The following PRRG4 variants were observed in gnomAD, a reference collection of about 807,000 sequenced individuals.
The protein encoded by PRRG4 is proline rich and Gla domain 4.
In PRRG4, 12 loss-of-function variants were observed where a neutral mutation model predicts 20.0. The observed-to-expected ratio is 0.60, with a 90% CI of 0.38 to 0.97. PRRG4 has a LOEUF of 0.97. Among genes scored for constraint, PRRG4 ranks in the 50% least tolerant of loss-of-function variants. The probability of loss-of-function intolerance (pLI) is 0.00; values close to 1 mark genes in which losing one functional copy is unlikely to be tolerated. For synonymous variants in PRRG4, 94 were observed against 96.4 expected (o/e 0.98, Z 0.15); for missense variants, 199 against 265.1 (o/e 0.75, Z 1.73).
rs1590682637 is a variant in PRRG4, at chr11:32,855,389, G to A, written c.*1862G>A. On this transcript the variant is annotated 3_prime_UTR_variant, in exon 6 of 6. Transcript: ENST00000257836. ...ATTTCTGTGCTTTATGTTTTTGCCA[G>A]GCTATTACATTTTCTTATCATTTAG... The A allele has an allele frequency of 3.4e-5, 1 of 29,632 alleles. No individual in the cohort carries two copies. Among genetic ancestry groups the A allele is most frequent in the Admixed American group, 3.3e-4 (1 of 3,004 alleles). 1.8% of individuals were successfully genotyped at this position (29,632 alleles called of 1,614,324 possible).
rs546768090 is a variant in PRRG4, at chr11:32,846,056, G to A, written c.449+5817G>A. Among the ~76,000 whole-genome samples, 10 of 152,152 alleles carry A rather than the reference G, an allele frequency of 6.6e-5. No homozygotes were observed. In the East Asian group the frequency reaches 1.9e-3, roughly 29 times the overall value. Reference sequence around the variant, plus strand: ...GCCTTTATACCCAACTACTAGGCGGGCTTAGGTGGGAGGAGCACCTGAGCC... The same window carrying A: ...GCCTTTATACCCAACTACTAGGCGGACTTAGGTGGGAGGAGCACCTGAGCC... On this transcript the variant is annotated intron_variant, in intron 5 of 5. Transcript: ENST00000257836.
Position 32,840,168 on chromosome 11 carries a change from AT to A in PRRG4, c.383del (p.Leu128TrpfsTer68), listed in dbSNP as rs1255604874. The part of the protein sequence containing the change: ...LLTGLIAAGV[F>X]LVIFGLLGYY... ...TGACTGGATTAATTGCTGCTGGAGT[AT>A]TTTTGGTTATTTTTGGATTACTTGG... On this transcript the variant is annotated frameshift_variant, in exon 5 of 6. Coordinates refer to ENST00000257836, the MANE Select transcript of PRRG4 (RefSeq NM_024081.6). LOFTEE classifies it high-confidence loss of function. This position sits in a 1 kb window ranked among gnomAD's most constrained non-coding sequence, Gnocchi z 4.1. 1 of 1,603,434 alleles carries A rather than the reference AT, an allele frequency of 6.2e-7. No homozygotes were observed. Among genetic ancestry groups the A allele is most frequent in the Non-Finnish European group, 8.5e-7 (1 of 1,170,760 alleles).
chr11:32,843,734 T>G (rs997218408), intron 5 of PRRG4, among the ~76,000 whole-genome samples: 25 of 151,670 alleles, frequency 1.6e-4, no homozygotes, highest in East Asian at 3.9e-4. Context: ...TTTTCTGTTT[T>G]TTTTTTTTTT....
chr11:32,838,277 T>G (rs1851042681), intron 3 of PRRG4, among the ~76,000 whole-genome samples: 1 of 151,902 alleles, frequency 6.6e-6, no homozygotes, highest in Non-Finnish European at 1.5e-5. Context: ...GGCTTCACGA[T>G]GAAACTCCAT....
chr11:32,830,453 C>G (rs1416873364), intron 1 of PRRG4, 55 bp from the exon 2 acceptor site: 3 of 1,269,126 alleles, frequency 2.4e-6, no homozygotes, highest in Middle Eastern at 5.8e-4. Context: ...GACAGAAACT[C>G]AAAGTGCTGA....
intron 5 of PRRG4, among the ~76,000 whole-genome samples, chr11:32,841,213 C>T (rs1851074520): frequency 6.6e-6 from 1 of 152,078 alleles, no homozygotes; most frequent in African/African-American, 2.4e-5. Context: ...TTTTACTTAT[C>T]TTTTCAGCAA....
At chr11:32,832,359 GCAGTAACTCTGCCTCAAGAGAGTTGT>G (rs1431094844) in intron 2 of PRRG4, among the ~76,000 whole-genome samples, 3 of 152,078 alleles carry the variant, frequency 2.0e-5, no homozygotes, top group Admixed American at 6.5e-5. Flanking sequence ...AGAGTGAGTA[GCAGTAACTCTGCCTCAAGAGAGTTGT>G]ATGGCAGAGA....
Position 32,856,010 on chromosome 11 carries a change from C to T in PRRG4, c.*2483C>T, listed in dbSNP as rs1019528173. 1 of 152,106 alleles carries T rather than the reference C, an allele frequency of 6.6e-6. No individual in the cohort carries two copies. Among genetic ancestry groups the T allele is most frequent in the Non-Finnish European group, 1.5e-5 (1 of 68,018 alleles). The allele number at this position is 152,106 out of a possible 1,614,324, so 9.4% of individuals were successfully genotyped here. On this transcript the variant is annotated 3_prime_UTR_variant, in exon 6 of 6. Coordinates refer to ENST00000257836, the MANE Select transcript of PRRG4 (RefSeq NM_024081.6). Reference sequence around the variant, plus strand: ...AATTATGAAATTCAGGGATCTTGTACATAATTCTAAGTTTGGGACAGAAAT... The same window carrying T: ...AATTATGAAATTCAGGGATCTTGTATATAATTCTAAGTTTGGGACAGAAAT...
chr11:32,847,627 C>G (rs1474959917), intron 5 of PRRG4, among the ~76,000 whole-genome samples: 1 of 152,078 alleles, frequency 6.6e-6, no homozygotes, highest in African/African-American at 2.4e-5. Context: ...ACTGTATGAC[C>G]CAGCAGTTTC....
Position 32,853,404 on chromosome 11 carries a change from A to T in PRRG4, c.558A>T (p.Leu186Phe). 1 of 1,614,060 alleles carries T rather than the reference A, an allele frequency of 6.2e-7. No individual in the cohort carries two copies. Among genetic ancestry groups the T allele is most frequent in the Non-Finnish European group, 8.5e-7 (1 of 1,180,010 alleles). ...CGCCTTCTGTGGAGGATGCAGGATTACCTTCTTATGAACAGGCAGTGGCGC... is the reference window on the plus strand; with the variant it reads ...CGCCTTCTGTGGAGGATGCAGGATTTCCTTCTTATGAACAGGCAGTGGCGC... Reference protein sequence around the residue: ...PLPPSVEDAGLPSYEQAVALT... With the variant: ...PLPPSVEDAGFPSYEQAVALT... Residue 186 changes from leucine (L) to phenylalanine (F), a missense_variant, in exon 6 of 6, where the codon TTA becomes TTT. Transcript: ENST00000257836.
At chr11:32,841,137 C>A (rs562628781) in intron 5 of PRRG4, among the ~76,000 whole-genome samples, 2 of 151,078 alleles carry the variant, frequency 1.3e-5, no homozygotes, top group South Asian at 2.1e-4. Flanking sequence ...TCACTATTCA[C>A]ACTTTCAAAT....
intron 5 of PRRG4, among the ~76,000 whole-genome samples, chr11:32,848,999 C>T (rs1590677944): frequency 6.8e-6 from 1 of 147,874 alleles, no homozygotes; most frequent in Non-Finnish European, 1.5e-5. Flanking sequence ...TTTAAGGCAA[C>T]AGGTGTGAAA....
intron 2 of PRRG4, among the ~76,000 whole-genome samples, chr11:32,836,315 T>C (rs1851019328): frequency 6.6e-6 from 1 of 152,088 alleles, no homozygotes; most frequent in African/African-American, 2.4e-5. Context: ...TTTTTCTCAG[T>C]CAAGATAATA....
chr11:32,830,670 A>G (rs375829212), intron 2 of PRRG4, 38 bp downstream of exon 2: 3 of 1,613,214 alleles, frequency 1.9e-6, no homozygotes, highest in Non-Finnish European at 2.5e-6. Flanking sequence ...AGAGCCGCAT[A>G]GCACAGATCT....
chr11:32,854,831 T>C lies in PRRG4; in HGVS notation c.*1304T>C, dbSNP rs1590682381. 1 of 152,188 alleles carries C rather than the reference T, an allele frequency of 6.6e-6. No homozygotes were observed. The highest frequency in any genetic ancestry group is 1.9e-4 in the East Asian group (1 of 5,198). 9.4% of individuals were successfully genotyped at this position (152,188 alleles called of 1,614,324 possible). On this transcript the variant is annotated 3_prime_UTR_variant, in exon 6 of 6. Coordinates refer to ENST00000257836, the MANE Select transcript of PRRG4 (RefSeq NM_024081.6). ...TTCTTCTAAAAAATACTATTTGCTATGAAGTTAGTTCTTCAGAAGATACAA... is the reference window on the plus strand; with the variant it reads ...TTCTTCTAAAAAATACTATTTGCTACGAAGTTAGTTCTTCAGAAGATACAA...
At chr11:32,830,842 G>A (rs556115665) in intron 2 of PRRG4, among the ~76,000 whole-genome samples, 3 of 152,250 alleles carry the variant, frequency 2.0e-5, no homozygotes, top group Non-Finnish European at 4.4e-5. Context: ...CCTTTAATAA[G>A]TATATACGTA....
chr11:32,836,511 T>C lies in PRRG4; in HGVS notation c.104-147T>C, dbSNP rs535744511. ...ATCTTCACTGATGCTTTTTCTTTCT[T>C]TTTTTGGGTTAGATTTTAAAACTTT... On this transcript the variant is annotated intron_variant, in intron 2 of 5. Coordinates refer to ENST00000257836, the MANE Select transcript of PRRG4 (RefSeq NM_024081.6). 159 of 430,378 alleles carry C rather than the reference T, an allele frequency of 3.7e-4. 4 individuals are homozygous for C. The South Asian group carries it at 0.012, about 32-fold the overall frequency. 26.7% of individuals were successfully genotyped at this position (430,378 alleles called of 1,614,324 possible). A position where few individuals can be genotyped will look rare whatever the true frequency, so the allele number is the denominator to read the frequency against.
At chr11:32,835,764 C>T (rs1318266951) in intron 2 of PRRG4, among the ~76,000 whole-genome samples, 1 of 152,106 alleles carries the variant, frequency 6.6e-6, no homozygotes, top group Non-Finnish European at 1.5e-5. Context: ...TAAGTTTTAG[C>T]ATAAACTTGA....
chr11:32,843,084 C>T (rs867376894), intron 5 of PRRG4, among the ~76,000 whole-genome samples: 5 of 152,084 alleles, frequency 3.3e-5, no homozygotes, highest in Non-Finnish European at 5.9e-5. Flanking sequence ...TTCAAGTGAT[C>T]CATCTGCTTC....
Sources: allele counts gnomAD v4.1 joint callset (sites outside exome capture counted in the v4.1 genomes callset), GRCh38; gene constraint gnomAD v4.1.1; non-coding constraint Gnocchi (gnomAD v3.1); transcripts MANE v1.5; gene names NCBI Gene and HGNC (gene_info 2026-07-23, HGNC 2026-07-21).